ERBB4: variants seen among roughly 807,000 people sequenced by gnomAD.
ERBB4 encodes the protein receptor tyrosine-protein kinase erbB-4.
ERBB4 carries 42 observed loss-of-function variants against 158.0 expected under a neutral mutation model. That is an observed-to-expected ratio of 0.27 (90% confidence interval 0.21 to 0.34). The LOEUF is 0.34. Among genes scored for constraint, ERBB4 ranks in the 10% least tolerant of loss-of-function variants. The pLI, the probability that ERBB4 is intolerant of heterozygous loss-of-function variation, is 1.00. For missense variants in ERBB4, 1,333 were observed against 1,624.1 expected, an observed-to-expected ratio of 0.82 and a Z score of 3.08; for synonymous variants, 583 against 558.7, an observed-to-expected ratio of 1.04 and a Z score of -0.61.
At chr2:212,485,057 A>C in intron 1 of ERBB4, among the ~76,000 whole-genome samples, 1 of 152,210 alleles carries the variant, frequency 6.6e-6, no homozygotes, top group East Asian at 1.9e-4. Flanking sequence ...GGGAACAGGA[A>C]AGCTATAAGA....
intron 3 of ERBB4, among the ~76,000 whole-genome samples, chr2:211,904,720 C>A (rs1182407633): frequency 6.6e-6 from 1 of 152,004 alleles, no homozygotes; most frequent in Non-Finnish European, 1.5e-5. Context: ...TAAAAGCATA[C>A]TTGTCTACTA....
intron 1 of ERBB4, among the ~76,000 whole-genome samples, chr2:212,393,078 CT>C (rs1427866269): frequency 4.6e-5 from 7 of 152,148 alleles, no homozygotes; most frequent in Non-Finnish European, 1.0e-4. Flanking sequence ...CTTGCATTTT[CT>C]TTTTTCTACC....
intron 20 of ERBB4, among the ~76,000 whole-genome samples, chr2:211,538,619 T>C (rs1401261758): frequency 6.6e-6 from 1 of 151,924 alleles, no homozygotes; most frequent in Non-Finnish European, 1.5e-5. Flanking sequence ...TAATGCTGTA[T>C]GTGCAATCTG....
At chr2:211,858,417 A>G (rs1262078749) in intron 3 of ERBB4, among the ~76,000 whole-genome samples, 1 of 152,224 alleles carries the variant, frequency 6.6e-6, no homozygotes, top group Non-Finnish European at 1.5e-5. Context: ...TGAAATTTAA[A>G]GCTTATGAAA....
chr2:212,424,115 T>C (rs2105914504), intron 1 of ERBB4, among the ~76,000 whole-genome samples: 1 of 152,246 alleles, frequency 6.6e-6, no homozygotes, highest in South Asian at 2.1e-4. Flanking sequence ...AGAATTCATT[T>C]TGGTGTCTGA....
chr2:211,806,048 T>G (rs1463656246), intron 3 of ERBB4, among the ~76,000 whole-genome samples: 1 of 152,016 alleles, frequency 6.6e-6, no homozygotes, highest in Non-Finnish European at 1.5e-5. Context: ...AAGAATACAT[T>G]ATCAATAAAT....
chr2:211,382,177 C>T lies in ERBB4; in HGVS notation c.*1438G>A, dbSNP rs2062584275. 4.3e-6 allele frequency: 1 copy of T among 230,726 alleles called. No homozygotes were observed. Among genetic ancestry groups the T allele is most frequent in the Admixed American group, 5.7e-5 (1 of 17,694 alleles). The allele number at this position is 230,726 out of a possible 1,614,324, so 14.3% of individuals were successfully genotyped here. A position where few individuals can be genotyped will look rare whatever the true frequency, so the allele number is the denominator to read the frequency against. ...GTTTGTGTTTTTCTTTTTATTATAC[C>T]AATTTATGTGCAAAGAGTTACCTTC... On this transcript the variant is annotated 3_prime_UTR_variant, in exon 28 of 28. Coordinates refer to ENST00000342788, the MANE Select transcript of ERBB4 (RefSeq NM_005235.3).
intron 20 of ERBB4, among the ~76,000 whole-genome samples, chr2:211,550,959 G>A (rs1191743836): frequency 1.3e-5 from 2 of 150,492 alleles, no homozygotes; most frequent in Non-Finnish European, 2.9e-5. Context: ...TTTTTGTTGG[G>A]GGACAGGGTC....
intron 20 of ERBB4, among the ~76,000 whole-genome samples, chr2:211,521,212 G>A (rs2066176928): frequency 6.6e-6 from 1 of 152,156 alleles, no homozygotes; most frequent in South Asian, 2.1e-4. Context: ...TAGCCAAGTT[G>A]TGAATGCAGA....
At chr2:211,513,606 G>C (rs73073146) in intron 20 of ERBB4, among the ~76,000 whole-genome samples, 5,675 of 152,090 alleles carry the variant, frequency 0.037, 331 homozygotes, top group African/African-American at 0.13. Flanking sequence ...TTGGGGATAG[G>C]GAAGAGAATG....
intron 1 of ERBB4, among the ~76,000 whole-genome samples, chr2:212,468,718 A>G (rs1688967690): frequency 1.3e-5 from 2 of 152,240 alleles, no homozygotes; most frequent in Admixed American, 6.5e-5. Context: ...CGAGAGTGGT[A>G]GAACCAATGC....
At chr2:211,561,167 T>A (rs140143710) in intron 20 of ERBB4, among the ~76,000 whole-genome samples, 64 of 152,338 alleles carry the variant, frequency 4.2e-4, no homozygotes, top group African/African-American at 1.5e-3. Flanking sequence ...GCAGACTGCA[T>A]GATAAGAATG....
chr2:211,429,207 G>A (rs1394645320), intron 21 of ERBB4, among the ~76,000 whole-genome samples: 1 of 151,968 alleles, frequency 6.6e-6, no homozygotes, highest in East Asian at 1.9e-4. Flanking sequence ...CAAAAAATGA[G>A]ATTTGTTATA....
intron 3 of ERBB4, among the ~76,000 whole-genome samples, chr2:211,936,844 A>G (rs2080337649): frequency 6.6e-6 from 1 of 152,148 alleles, no homozygotes; most frequent in African/African-American, 2.4e-5. Context: ...TTATTATGCC[A>G]AAAAGTGTTG....
intron 20 of ERBB4, among the ~76,000 whole-genome samples, chr2:211,554,558 C>T (rs748484233): frequency 1.5e-4 from 23 of 152,212 alleles, no homozygotes; most frequent in African/African-American, 2.2e-4. Context: ...TGGGGTGATG[C>T]TCGCCCCACT....
intron 14 of ERBB4, 62 bp downstream of exon 14, chr2:211,673,102 A>G (rs1219235408): frequency 8.2e-7 from 1 of 1,214,322 alleles, no homozygotes; most frequent in East Asian, 2.3e-5. Context: ...TGATAAAATA[A>G]TAACAAACAT....
At position 212,147,929 on chromosome 2, in the gene ERBB4, C is replaced by T. The variant is rs2080737378; in HGVS notation, c.83-23026G>A. 2.0e-5 allele frequency among the ~76,000 whole-genome samples: 3 copies of T among 152,180 alleles called. No homozygotes were observed. The South Asian group carries it at 6.2e-4, about 32-fold the overall frequency. ...TTTTCTGTGATTTATCCTTCTTTCTCCATCTTTCCATTTCTAAGATTGGCC... is the reference window on the plus strand; with the variant it reads ...TTTTCTGTGATTTATCCTTCTTTCTTCATCTTTCCATTTCTAAGATTGGCC... On this transcript the variant is annotated intron_variant, in intron 1 of 27. Transcript: ENST00000342788.
chr2:212,250,966 T>C (rs931834562), intron 1 of ERBB4, among the ~76,000 whole-genome samples: 5 of 151,980 alleles, frequency 3.3e-5, no homozygotes, highest in East Asian at 3.8e-4. Flanking sequence ...CTGAGAGATT[T>C]TGCAACAAGG....
chr2:211,855,758 C>T (rs988048829), intron 3 of ERBB4, among the ~76,000 whole-genome samples: 1 of 152,038 alleles, frequency 6.6e-6, no homozygotes, highest in African/African-American at 2.4e-5. Context: ...TCTTTTTCTT[C>T]AAGAATATTC....
Sources: allele counts gnomAD v4.1 joint callset (sites outside exome capture counted in the v4.1 genomes callset), GRCh38; gene constraint gnomAD v4.1.1; transcripts MANE v1.5; gene names NCBI Gene and HGNC (gene_info 2026-07-23, HGNC 2026-07-21).